Variants in LIMCH1 observed in about 807,000 individuals in gnomAD.
The protein encoded by LIMCH1 is LIM and calponin homology domains-containing protein 1.
A neutral mutation model predicts 176.5 loss-of-function variants in LIMCH1; 113 were observed. The observed-to-expected ratio is 0.64, with a 90% CI of 0.55 to 0.75. LIMCH1 has a LOEUF of 0.75. LIMCH1 is among the 30% of genes least tolerant of loss of function. The probability of loss-of-function intolerance (pLI) is 0.00; values close to 1 mark genes in which losing one functional copy is unlikely to be tolerated. For synonymous variants in LIMCH1, 619 were observed against 645.9 expected (o/e 0.96, Z 0.63); for missense variants, 1,674 against 1,814.9 (o/e 0.92, Z 1.41).
chr4:41,550,409 G>T (rs964759300), intron 1 of LIMCH1, among the ~76,000 whole-genome samples: 3 of 151,996 alleles, frequency 2.0e-5, no homozygotes, highest in African/African-American at 7.2e-5. Flanking sequence ...CTTTCAAAAT[G>T]CTCTGGAGTA....
At chr4:41,609,214 C>T (rs1057137332) in intron 4 of LIMCH1, among the ~76,000 whole-genome samples, 2 of 148,816 alleles carry the variant, frequency 1.3e-5, no homozygotes, top group Non-Finnish European at 3.0e-5. Flanking sequence ...GCAACCATCT[C>T]AATTTCTAGT....
At chr4:41,609,702 C>G (rs1269550369) in intron 4 of LIMCH1, 1 of 454,234 alleles carries the variant, frequency 2.2e-6, no homozygotes, top group Non-Finnish European at 4.4e-6. Context: ...AGTTCTCACC[C>G]CTTCATTAAC....
At chr4:41,648,705 T>C (rs1212455856) in intron 17 of LIMCH1, among the ~76,000 whole-genome samples, 1 of 95,236 alleles carries the variant, frequency 1.1e-5, no homozygotes, top group African/African-American at 4.1e-5. Context: ...GTGTGTCTTC[T>C]TGGAGGGCAG....
At position 41,467,158 on chromosome 4, in the gene LIMCH1, T is replaced by TATATAC. The variant is rs1157542568; in HGVS notation, c.97-27377_97-27376insTATACA. Among the ~76,000 whole-genome samples the TATATAC allele has an allele frequency of 2.8e-3, 404 of 143,546 alleles. 6 individuals carry two copies. Among genetic ancestry groups the TATATAC allele is most frequent in the African/African-American group, 9.6e-3 (376 of 39,170 alleles). 94.2% of individuals were successfully genotyped at this position (143,546 alleles called of 152,430 possible). On this transcript the variant is annotated intron_variant, in intron 1 of 26. Coordinates refer to the LIMCH1 transcript ENST00000313860. Reference sequence around the variant, plus strand: ...CCATATATATATGTGTATGTATATATACACACACACACACACACACACACA... The same window carrying TATATAC: ...CCATATATATATGTGTATGTATATATATATACACACACACACACACACACACACACA...
chr4:41,452,393 A>G (rs2063996687), intron 1 of LIMCH1, among the ~76,000 whole-genome samples: 1 of 152,034 alleles, frequency 6.6e-6, no homozygotes, highest in African/African-American at 2.4e-5. Context: ...AGAGCACTTC[A>G]TTGTCTCTGG....
At chr4:41,517,333 G>T (rs150047150) in intron 2 of LIMCH1, among the ~76,000 whole-genome samples, 7 of 152,290 alleles carry the variant, frequency 4.6e-5, no homozygotes, top group African/African-American at 1.7e-4. Flanking sequence ...AAAGTCCAGT[G>T]TGTGCCCGAG....
intron 1 of LIMCH1, among the ~76,000 whole-genome samples, chr4:41,464,803 C>T (rs767005661): frequency 2.6e-5 from 4 of 152,198 alleles, no homozygotes; most frequent in Non-Finnish European, 4.4e-5. Context: ...CTGTCTTCTC[C>T]CCTCCACAAG....
intron 14 of LIMCH1, among the ~76,000 whole-genome samples, chr4:41,640,539 AC>A (rs1345824021): frequency 1.3e-5 from 2 of 152,202 alleles, no homozygotes; most frequent in Non-Finnish European, 2.9e-5. Context: ...AGCCCCAGGG[AC>A]CAAGAAGAGT....
chr4:41,639,572 A>G (rs1257673454), intron 14 of LIMCH1, among the ~76,000 whole-genome samples: 2 of 152,110 alleles, frequency 1.3e-5, no homozygotes, highest in Non-Finnish European at 2.9e-5. Flanking sequence ...TCACTCAACC[A>G]AGCAGAGGTT....
chr4:41,645,950 G>A (rs2094034363), intron 15 of LIMCH1, among the ~76,000 whole-genome samples, 173 bp from the exon 16 acceptor site: 2 of 152,238 alleles, frequency 1.3e-5, no homozygotes, highest in Admixed American at 1.3e-4. Context: ...TGCCTTTGAG[G>A]CATTCCAGTT....
At chr4:41,612,106 C>T (rs781094107) in intron 4 of LIMCH1, among the ~76,000 whole-genome samples, 23 of 152,300 alleles carry the variant, frequency 1.5e-4, no homozygotes, top group East Asian at 3.9e-4. Context: ...TGCTCCTCTC[C>T]GTCCTGCCCT....
At chr4:41,652,725 C>G (rs1355802551) in intron 18 of LIMCH1, among the ~76,000 whole-genome samples, 1 of 152,130 alleles carries the variant, frequency 6.6e-6, no homozygotes, top group African/African-American at 2.4e-5. Flanking sequence ...ACATTGATTA[C>G]ATATCCCCCA....
At chr4:41,479,688 C>A (rs1236342891) in intron 1 of LIMCH1, among the ~76,000 whole-genome samples, 1 of 152,126 alleles carries the variant, frequency 6.6e-6, no homozygotes, top group Admixed American at 6.6e-5. Flanking sequence ...GTATACATTG[C>A]AATTGGTCAT....
intron 1 of LIMCH1, among the ~76,000 whole-genome samples, chr4:41,477,509 A>G (rs770311274): frequency 2.2e-4 from 34 of 152,214 alleles, no homozygotes; most frequent in Non-Finnish European, 4.6e-4. Context: ...TGCTGTTATT[A>G]TCATCATCAT....
intron 1 of LIMCH1, among the ~76,000 whole-genome samples, chr4:41,538,961 C>T (rs76339196): frequency 2.6e-5 from 4 of 152,134 alleles, no homozygotes; most frequent in South Asian, 2.1e-4. Context: ...TACTGCAGGC[C>T]GGGAAAGGAA....
chr4:41,689,805 C>G (rs567553254), intron 30 of LIMCH1, 170 bp downstream of exon 30: 6 of 502,210 alleles, frequency 1.2e-5, no homozygotes, highest in Non-Finnish European at 2.2e-5. Context: ...ACGAATCCCT[C>G]TGGGATGTCA....
chr4:41,370,815 A>G (rs1345434067), intron 1 of LIMCH1, among the ~76,000 whole-genome samples: 2 of 152,176 alleles, frequency 1.3e-5, no homozygotes, highest in Admixed American at 1.3e-4. Context: ...GAGGTGGTAT[A>G]TTGTGTATAG....
At chr4:41,628,937 T>C (rs563157242) in intron 8 of LIMCH1, among the ~76,000 whole-genome samples, 3 of 152,338 alleles carry the variant, frequency 2.0e-5, no homozygotes, top group Non-Finnish European at 2.9e-5. Flanking sequence ...AGTTTAAACA[T>C]TGAAACTTTC....
Position 41,462,440 on chromosome 4 carries a change from T to C in LIMCH1, c.97-32096T>C, listed in dbSNP as rs146271337. On this transcript the variant is annotated intron_variant, in intron 1 of 26. Transcript: ENST00000313860. ...TGAATAGATTACAATCCAGGAGATA[T>C]CTCAAGAAGAAAAAAGTTCTAACAT... is the stretch of plus-strand genomic sequence containing the variant. Among the ~76,000 whole-genome samples, 3 of 152,152 alleles carry C rather than the reference T, an allele frequency of 2.0e-5. No homozygotes were observed. In the East Asian group the frequency reaches 5.8e-4, roughly 29 times the overall value.
Sources: gnomAD v4.1 joint callset for allele counts (sites outside exome capture counted in the v4.1 genomes callset) on GRCh38, gnomAD v4.1.1 for gene constraint, MANE v1.5 for transcripts, NCBI Gene and HGNC (gene_info 2026-07-23, HGNC 2026-07-21) for gene names.